Variants in EEF1AKMT1 observed in about 807,000 individuals in gnomAD.
EEF1AKMT1 encodes the protein EEF1A lysine methyltransferase 1.
Under a neutral mutation model 21.0 loss-of-function variants are expected in EEF1AKMT1, and 18 were observed. The observed-to-expected ratio is 0.86, with a 90% CI of 0.59 to 1.27. EEF1AKMT1 has a LOEUF of 1.27. EEF1AKMT1 is among the 50% of genes most tolerant of loss of function. The probability of loss-of-function intolerance (pLI) is 0.00; values close to 1 mark genes in which losing one functional copy is unlikely to be tolerated. For missense variants in EEF1AKMT1, 246 were observed against 258.6 expected (o/e 0.95, Z 0.33); for synonymous variants, 109 against 94.8 (o/e 1.15, Z -0.87).
chr13:20,739,124 T>A (rs1053070951), intron 2 of EEF1AKMT1, among the ~76,000 whole-genome samples: 1 of 152,136 alleles, frequency 6.6e-6, no homozygotes, highest in Admixed American at 6.5e-5. Flanking sequence ...GGATTACAAC[T>A]CCTAAGATGG....
At chr13:20,769,471 C>A (rs554600127) in intron 1 of EEF1AKMT1, 2 of 152,052 alleles carry the variant, frequency 1.3e-5, no homozygotes, top group Non-Finnish European at 2.9e-5. Flanking sequence ...TTCTTTTATC[C>A]CTTCGGGAAG....
intron 2 of EEF1AKMT1, among the ~76,000 whole-genome samples, chr13:20,746,731 T>G (rs1375499702): frequency 6.6e-6 from 1 of 152,138 alleles, no homozygotes; most frequent in Non-Finnish European, 1.5e-5. Flanking sequence ...AGAGTCCCAC[T>G]CCATTTTTTA....
intron 2 of EEF1AKMT1, among the ~76,000 whole-genome samples, chr13:20,738,817 T>C (rs148705775): frequency 1.2e-3 from 179 of 152,276 alleles, no homozygotes; most frequent in African/African-American, 4.1e-3. Flanking sequence ...TGCCAGGTGT[T>C]GGGAGGATTG....
At chr13:20,751,120 A>G (rs1219446062) in intron 2 of EEF1AKMT1, among the ~76,000 whole-genome samples, 1 of 152,108 alleles carries the variant, frequency 6.6e-6, no homozygotes, top group African/African-American at 2.4e-5. Flanking sequence ...TACACATCTC[A>G]ATGGGTTGCC....
At chr13:20,738,794 G>C (rs1387766673) in intron 2 of EEF1AKMT1, among the ~76,000 whole-genome samples, 1 of 152,206 alleles carries the variant, frequency 6.6e-6, no homozygotes, top group Admixed American at 6.5e-5. Context: ...TACAAAGACA[G>C]TAGATTAGTG....
chr13:20,768,665 A>C (rs920906257), intron 1 of EEF1AKMT1, among the ~76,000 whole-genome samples: 6 of 152,094 alleles, frequency 3.9e-5, no homozygotes, highest in Admixed American at 2.0e-4. Context: ...AATGTGGCCC[A>C]GGGAAGCCAA....
intron 1 of EEF1AKMT1, chr13:20,769,067 A>G (rs1055002886): frequency 6.6e-6 from 1 of 152,080 alleles, no homozygotes; most frequent in Non-Finnish European, 1.5e-5. Flanking sequence ...CATAAAGCAA[A>G]AACAGACATT....
At chr13:20,751,672 C>CTT (rs71087093) in intron 2 of EEF1AKMT1, among the ~76,000 whole-genome samples, 255 of 150,140 alleles carry the variant, frequency 1.7e-3, no homozygotes, top group African/African-American at 3.8e-3. Context: ...AATTTCAGGA[C>CTT]TTTTTTTTTT....
At chr13:20,750,660 A>G (rs1407476194) in intron 2 of EEF1AKMT1, among the ~76,000 whole-genome samples, 2 of 152,164 alleles carry the variant, frequency 1.3e-5, no homozygotes, top group Non-Finnish European at 2.9e-5. Context: ...AGGAGCAGGT[A>G]CGTTTTTGAT....
Position 20,743,659 on chromosome 13 carries a change from C to CT in EEF1AKMT1, c.145-5855dup, listed in dbSNP as rs558443843. Among the ~76,000 whole-genome samples, 560 of 123,592 alleles carry CT rather than the reference C, an allele frequency of 4.5e-3. 4 individuals carry two copies. Among genetic ancestry groups the CT allele is most frequent in the African/African-American group, 0.013 (432 of 33,858 alleles). 81.1% of individuals were successfully genotyped at this position (123,592 alleles called of 152,430 possible). A position where few individuals can be genotyped will look rare whatever the true frequency, so the allele number is the denominator to read the frequency against. On this transcript the variant is annotated intron_variant, in intron 2 of 4. Coordinates refer to ENST00000382758, the MANE Select transcript of EEF1AKMT1 (RefSeq NM_001318939.2). ...TTGTTACACTACACTTGACCTTGTGCTTTTTTTTTTTTTTTCTCGTATTTT... is the reference window on the plus strand; with the variant it reads ...TTGTTACACTACACTTGACCTTGTGCTTTTTTTTTTTTTTTTCTCGTATTTT...
intron 1 of EEF1AKMT1, among the ~76,000 whole-genome samples, chr13:20,764,143 T>C (rs1056986497): frequency 6.6e-6 from 1 of 152,252 alleles, no homozygotes; most frequent in Non-Finnish European, 1.5e-5. Flanking sequence ...TGTTTTAAAC[T>C]ACCTTTTTGT....
chr13:20,748,715 G>GTTTTTT (rs796299437), intron 2 of EEF1AKMT1, among the ~76,000 whole-genome samples: 1 of 105,848 alleles, frequency 9.4e-6, no homozygotes, highest in Non-Finnish European at 1.9e-5. Flanking sequence ...ATGTATAGTT[G>GTTTTTT]TTTTTTTTTG....
chr13:20,766,480 T>A (rs2141439480), intron 1 of EEF1AKMT1, among the ~76,000 whole-genome samples: 1 of 152,296 alleles, frequency 6.6e-6, no homozygotes, highest in South Asian at 2.1e-4. Context: ...TCTTTCTCCA[T>A]TGCTAGCTTA....
chr13:20,739,318 C>T (rs57467410), intron 2 of EEF1AKMT1, among the ~76,000 whole-genome samples: 10 of 152,188 alleles, frequency 6.6e-5, no homozygotes, highest in South Asian at 2.1e-4. Context: ...AAGAACAAAC[C>T]TTCCACAGCA....
At chr13:20,738,681 C>A (rs2058843103) in intron 2 of EEF1AKMT1, among the ~76,000 whole-genome samples, 1 of 152,164 alleles carries the variant, frequency 6.6e-6, no homozygotes, top group Non-Finnish European at 1.5e-5. Context: ...ATATATGCTA[C>A]ATGGATGAGT....
chr13:20,735,801 T>C (rs535307604), intron 3 of EEF1AKMT1, among the ~76,000 whole-genome samples: 2 of 152,226 alleles, frequency 1.3e-5, no homozygotes, highest in East Asian at 3.9e-4. Flanking sequence ...TTTAAAAAAT[T>C]CTATAATATC....
chr13:20,772,079 TTTA>T (rs1316589531), intron 1 of EEF1AKMT1, among the ~76,000 whole-genome samples: 1 of 152,128 alleles, frequency 6.6e-6, no homozygotes, highest in East Asian at 1.9e-4. Flanking sequence ...TTATCATATC[TTTA>T]TTGTTTTTAA....
At chr13:20,768,100 G>A (rs1189654350) in intron 1 of EEF1AKMT1, among the ~76,000 whole-genome samples, 1 of 151,906 alleles carries the variant, frequency 6.6e-6, no homozygotes, top group Admixed American at 6.6e-5. Flanking sequence ...ATCTATTCTG[G>A]GTCAGTTTCA....
At chr13:20,734,971 T>A (rs768865927) in intron 3 of EEF1AKMT1, among the ~76,000 whole-genome samples, 10 of 152,174 alleles carry the variant, frequency 6.6e-5, no homozygotes, top group Non-Finnish European at 1.2e-4. Context: ...TGCTCCCTCA[T>A]GAAAGCCCAC....
Sources: allele counts gnomAD v4.1 joint callset (sites outside exome capture counted in the v4.1 genomes callset), GRCh38; gene constraint gnomAD v4.1.1; transcripts MANE v1.5; gene names NCBI Gene and HGNC (gene_info 2026-07-23, HGNC 2026-07-21).